MDFIC: variants seen among roughly 807,000 people sequenced by gnomAD.
MDFIC encodes MyoD family inhibitor domain containing.
In MDFIC, 17 loss-of-function variants were observed where a neutral mutation model predicts 23.2. That is an observed-to-expected ratio of 0.73 (90% CI 0.50 to 1.10). The LOEUF (loss-of-function observed/expected upper bound fraction) is 1.10, where lower values mean the gene tolerates loss of function less well. Ranked by LOEUF, MDFIC falls within the 50% of genes least tolerant of loss-of-function variation. The probability of loss-of-function intolerance (pLI) is 0.00; values close to 1 mark genes in which losing one functional copy is unlikely to be tolerated. For missense variants in MDFIC, 356 were observed against 316.6 expected, an observed-to-expected ratio of 1.12 and a Z score of -0.95; for synonymous variants, 120 against 115.2, an observed-to-expected ratio of 1.04 and a Z score of -0.27.
At chr7:114,923,659 C>T in intron 2 of MDFIC, 1 of 1,419,774 alleles carries the variant, frequency 7.0e-7, no homozygotes, top group Non-Finnish European at 9.2e-7. Flanking sequence ...ATAAGAAACA[C>T]TTTCCAAGAA....
intron 4 of MDFIC, among the ~76,000 whole-genome samples, chr7:115,000,623 C>CT (rs1275738295): frequency 6.6e-6 from 1 of 152,004 alleles, no homozygotes; most frequent in African/African-American, 2.4e-5. Flanking sequence ...TTTTGAACAG[C>CT]TTCTTTTTGC....
At chr7:114,930,503 A>G (rs990066968) in intron 2 of MDFIC, among the ~76,000 whole-genome samples, 1 of 152,172 alleles carries the variant, frequency 6.6e-6, no homozygotes, top group East Asian at 1.9e-4. Flanking sequence ...GATTTAATAT[A>G]TATGATTGAG....
At chr7:114,925,655 A>G (rs1792175995) in intron 2 of MDFIC, among the ~76,000 whole-genome samples, 1 of 152,206 alleles carries the variant, frequency 6.6e-6, no homozygotes, top group Non-Finnish European at 1.5e-5. Context: ...ATTTTGGGGA[A>G]CTGGAGAGCT....
chr7:114,962,354 A>G (rs937346439), intron 3 of MDFIC, among the ~76,000 whole-genome samples: 1 of 152,232 alleles, frequency 6.6e-6, no homozygotes, highest in African/African-American at 2.4e-5. Context: ...TTTGTAAACC[A>G]TGATATGGGA....
In MDFIC at chr7:114,922,910, G is replaced by C. The variant is rs1160000046; in HGVS notation, c.-107-17G>C. The C allele has an allele frequency of 1.3e-6, 2 of 1,572,898 alleles. No homozygotes were observed. Among genetic ancestry groups the C allele is most frequent in the East Asian group, 2.4e-5 (1 of 41,298 alleles). On this transcript the variant is annotated splice_polypyrimidine_tract_variant and intron_variant, in intron 1 of 4. Coordinates refer to ENST00000393486, the MANE Select transcript of MDFIC (RefSeq NM_001166345.3). ...TAAAAACATTTTTTTTTTTAATTTT[G>C]TATATTTTTCCGCCAGAAGCAGTCA...
intron 3 of MDFIC, among the ~76,000 whole-genome samples, chr7:114,974,927 T>C (rs978393234): frequency 6.6e-6 from 1 of 152,080 alleles, no homozygotes. Context: ...AATGTTTTTT[T>C]TTTTTAATCT....
intron 3 of MDFIC, among the ~76,000 whole-genome samples, chr7:114,954,785 T>C (rs1792853225): frequency 6.6e-6 from 1 of 152,180 alleles, no homozygotes; most frequent in South Asian, 2.1e-4. Context: ...ACTACTACAG[T>C]AGTGTTTTGA....
At chr7:114,925,924 A>G (rs1792181506) in intron 2 of MDFIC, among the ~76,000 whole-genome samples, 1 of 152,172 alleles carries the variant, frequency 6.6e-6, no homozygotes, top group South Asian at 2.1e-4. Context: ...ATTTAAAGCT[A>G]TATTCTTATT....
At position 115,016,679 on chromosome 7, in the gene MDFIC, A is replaced by AATAAATAT. The variant is rs1207906614; in HGVS notation, c.*751_*752insTATAAATA. ...AAATAAATAAATAAATAAATAAATAAATAAATAAACAAACCAGTCTTTATT... is the reference window on the plus strand; with the variant it reads ...AAATAAATAAATAAATAAATAAATAAATAAATATATAAATAAACAAACCAGTCTTTATT... On this transcript the variant is annotated 3_prime_UTR_variant, in exon 5 of 5. Coordinates refer to ENST00000393486, the MANE Select transcript of MDFIC (RefSeq NM_001166345.3). The AATAAATAT allele has an allele frequency of 1.9e-5, 3 of 158,238 alleles. No homozygotes were observed. The highest frequency in any genetic ancestry group is 2.7e-5 in the Non-Finnish European group (2 of 73,474). 9.8% of individuals were successfully genotyped at this position (158,238 alleles called of 1,614,324 possible).
intron 4 of MDFIC, among the ~76,000 whole-genome samples, chr7:114,986,236 C>G (rs1171305233): frequency 6.6e-6 from 1 of 151,890 alleles, no homozygotes; most frequent in Non-Finnish European, 1.5e-5. Flanking sequence ...AGGTCTATGA[C>G]CTTTCTTTGT....
At chr7:114,952,235 A>G (rs932471058) in intron 3 of MDFIC, among the ~76,000 whole-genome samples, 2 of 152,230 alleles carry the variant, frequency 1.3e-5, no homozygotes, top group African/African-American at 4.8e-5. Context: ...AACAATCGCC[A>G]TGGGCAAGCT....
chr7:114,943,522 G>A (rs996266023), intron 3 of MDFIC, among the ~76,000 whole-genome samples: 2 of 152,134 alleles, frequency 1.3e-5, no homozygotes, highest in Non-Finnish European at 2.9e-5. Flanking sequence ...CTTTGGTCTT[G>A]GAGAAGGGAG....
chr7:114,953,049 A>AT (rs1250064036), intron 3 of MDFIC, among the ~76,000 whole-genome samples: 1 of 152,194 alleles, frequency 6.6e-6, no homozygotes, highest in African/African-American at 2.4e-5. Flanking sequence ...TATTCAGTAG[A>AT]TTTTTAATCT....
chr7:114,982,791 C>G (rs1793440132), intron 4 of MDFIC, among the ~76,000 whole-genome samples: 1 of 152,180 alleles, frequency 6.6e-6, no homozygotes, highest in African/African-American at 2.4e-5. Context: ...AGAGCAAGAT[C>G]AAGGTGCTGG....
chr7:115,012,882 G>A (rs921883905), intron 4 of MDFIC, among the ~76,000 whole-genome samples: 1 of 152,150 alleles, frequency 6.6e-6, no homozygotes, highest in African/African-American at 2.4e-5. Context: ...GGGAGGCTGA[G>A]GCAGGAAAAT....
At chr7:114,930,718 T>C (rs1585091625) in intron 2 of MDFIC, among the ~76,000 whole-genome samples, 1 of 152,170 alleles carries the variant, frequency 6.6e-6, no homozygotes, top group East Asian at 1.9e-4. Context: ...ATTGACACCA[T>C]CTAAAGTTAG....
chr7:115,006,799 G>A (rs1467773352), intron 4 of MDFIC, among the ~76,000 whole-genome samples: 3 of 152,122 alleles, frequency 2.0e-5, no homozygotes, highest in African/African-American at 7.2e-5. Flanking sequence ...CTGGGAAAAT[G>A]TGTTTAAGAT....
intron 4 of MDFIC, among the ~76,000 whole-genome samples, chr7:114,991,708 T>C (rs11981465): frequency 0.43 from 66,090 of 151,986 alleles, 15,028 homozygotes; most frequent in Admixed American, 0.58. Context: ...CATTGGTCTA[T>C]ATCTCTGTTT....
chr7:114,966,655 G>T (rs1793103144), intron 3 of MDFIC, among the ~76,000 whole-genome samples: 1 of 151,958 alleles, frequency 6.6e-6, no homozygotes, highest in Admixed American at 6.6e-5. Context: ...TATAATAAAA[G>T]AACAAAATAA....
Sources: allele counts gnomAD v4.1 joint callset (sites outside exome capture counted in the v4.1 genomes callset), GRCh38; gene constraint gnomAD v4.1.1; transcripts MANE v1.5; gene names NCBI Gene and HGNC (gene_info 2026-07-23, HGNC 2026-07-21).